PLEKHM2: variants seen among roughly 807,000 people sequenced by gnomAD.
PLEKHM2 encodes pleckstrin homology domain-containing family M member 2.
A neutral mutation model predicts 116.3 loss-of-function variants in PLEKHM2; 77 were observed. That is an observed-to-expected ratio of 0.66 (90% CI 0.55 to 0.80). The LOEUF is 0.80. Ranked by LOEUF, PLEKHM2 falls within the 30% of genes least tolerant of loss-of-function variation. The probability of loss-of-function intolerance (pLI) is 0.00; values close to 1 mark genes in which losing one functional copy is unlikely to be tolerated. For missense variants in PLEKHM2, 1,183 were observed against 1,354.9 expected, an observed-to-expected ratio of 0.87 and a Z score of 1.99; for synonymous variants, 562 against 571.0, an observed-to-expected ratio of 0.98 and a Z score of 0.22.
intron 1 of PLEKHM2, among the ~76,000 whole-genome samples, chr1:15,689,835 C>A (rs1293403470): frequency 6.6e-6 from 1 of 152,212 alleles, no homozygotes; most frequent in East Asian, 1.9e-4. Flanking sequence ...CAGCTCACTG[C>A]AACCTCCGCC....
At chr1:15,733,697 G>C in intron 19 of PLEKHM2, 100 bp from the exon 20 acceptor site, 1 of 1,298,744 alleles carries the variant, frequency 7.7e-7, no homozygotes, top group Middle Eastern at 1.9e-4. Flanking sequence ...CCTGACAGGG[G>C]CTCCGTGGCC....
At chr1:15,730,129 G>T (rs979684943) in intron 14 of PLEKHM2, among the ~76,000 whole-genome samples, 200 bp downstream of exon 14, 1 of 152,158 alleles carries the variant, frequency 6.6e-6, no homozygotes, top group Non-Finnish European at 1.5e-5. Context: ...CCTACCTGGG[G>T]TGTGTCCTAA....
intron 17 of PLEKHM2, 97 bp downstream of exon 17, chr1:15,732,145 G>GGTCCGTCTT: frequency 8.2e-7 from 1 of 1,218,448 alleles, no homozygotes; most frequent in Non-Finnish European, 1.2e-6. Context: ...AGCAACCTGA[G>GGTCCGTCTT]GGCCAAGACG....
chr1:15,727,653 G>A lies in PLEKHM2; in HGVS notation c.1581G>A (p.Leu527=). ...LEDTTREAQE[L]EAQLSLVREG... The stretch of plus-strand genomic sequence containing the variant: ...ATACCACGAGGGAGGCTCAGGAGCT[G>A]GAGGCCCAGCTGTCCCTGGTCAGGG... The change falls in exon 9 of 20, where the codon CTG becomes CTA. Residue 527 remains leucine (L), a synonymous_variant. Transcript: ENST00000375799. This position sits in a 1 kb window ranked among gnomAD's most constrained non-coding sequence, Gnocchi z 7.5. 1.3e-6 allele frequency: 2 copies of A among 1,594,334 alleles called. No homozygotes were observed. Among genetic ancestry groups the A allele is most frequent in the South Asian group, 2.3e-5 (2 of 87,982 alleles).
In PLEKHM2 at chr1:15,728,446, C is replaced by T. The variant is rs2068096031; in HGVS notation, c.1921+89C>T. 1 of 1,244,446 alleles carries T rather than the reference C, an allele frequency of 8.0e-7. No individual in the cohort carries two copies. The highest frequency in any genetic ancestry group is 1.5e-5 in the African/African-American group (1 of 67,474). The allele number at this position is 1,244,446 out of a possible 1,614,324, so 77.1% of individuals were successfully genotyped here. A position where few individuals can be genotyped will look rare whatever the true frequency, so the allele number is the denominator to read the frequency against. ...CAGTCCCCTTGCCCTCTGAGTGCCT[C>T]CCGGCTGCCTGGCATGCAGTGATGG... is the stretch of plus-strand genomic sequence containing the variant. On this transcript the variant is annotated intron_variant, in intron 11 of 19. Coordinates refer to ENST00000375799, the MANE Select transcript of PLEKHM2 (RefSeq NM_015164.4). The surrounding 1 kb of genome is among the most constrained non-coding windows in gnomAD (Gnocchi z 5.9).
rs757977029 is a variant in PLEKHM2 at position 15,729,955 on chromosome 1, T to C, written c.2208+26T>C. On this transcript the variant is annotated intron_variant, in intron 14 of 19. Transcript: ENST00000375799. The surrounding 1 kb of genome is among the most constrained non-coding windows in gnomAD (Gnocchi z 4.7). Reference sequence around the variant, plus strand: ...GTAAGAACCTGGGGAGGAAGCTGAGTGCAGCCCCTGAGATGGCAGAGCAGC... The same window carrying C: ...GTAAGAACCTGGGGAGGAAGCTGAGCGCAGCCCCTGAGATGGCAGAGCAGC... The C allele has an allele frequency of 1.3e-6, 2 of 1,586,488 alleles. No homozygotes were observed. The highest frequency in any genetic ancestry group is 1.7e-6 in the Non-Finnish European group (2 of 1,167,358).
intron 1 of PLEKHM2, among the ~76,000 whole-genome samples, chr1:15,712,750 T>C (rs1448856532): frequency 6.4e-4 from 1 of 1,556 alleles, no homozygotes; most frequent in East Asian, 0.01. Context: ...AAGGGATACC[T>C]CCCCCTGACC....
In PLEKHM2 at chr1:15,719,091, A is replaced by G. The variant is rs561787782; in HGVS notation, c.465+466A>G. On this transcript the variant is annotated intron_variant, in intron 5 of 19. Transcript: ENST00000375799. This position sits in a 1 kb window ranked among gnomAD's most constrained non-coding sequence, Gnocchi z 4.1. ...TGGGATGCTGGCCCACATAGAGCCA[A>G]AGAGGCTCCCAGGCACCTCTTGGAC... Among the ~76,000 whole-genome samples, 5 of 152,264 alleles carry G rather than the reference A, an allele frequency of 3.3e-5. No individual in the cohort carries two copies. The East Asian group carries it at 9.6e-4, about 29-fold the overall frequency.
At position 15,727,567 on chromosome 1, in the gene PLEKHM2, G is replaced by T. The variant is rs202014397; in HGVS notation, c.1495G>T (p.Ala499Ser). The part of the protein sequence containing the change: ...QPLHVPSSPE[A>S]AGQEEEGGGG... ...GCTGCATGTTCCTAGTAGCCCTGAG[G>T]CTGCTGGCCAAGAAGAAGAGGGAGG... The change falls in exon 9 of 20, where the codon GCT becomes TCT. Residue 499 changes from alanine (A) to serine (S), a missense_variant. By Grantham distance (99) the Ala-to-Ser change is moderately conservative. Transcript: ENST00000375799. This position sits in a 1 kb window ranked among gnomAD's most constrained non-coding sequence, Gnocchi z 7.5. 3.9e-5 allele frequency: 62 copies of T among 1,575,660 alleles called. No individual in the cohort carries two copies. The African/African-American group carries it at 7.6e-4, about 19-fold the overall frequency.
At chr1:15,725,771 A>C (rs1376786913) in intron 8 of PLEKHM2, 3 of 573,424 alleles carry the variant, frequency 5.2e-6, no homozygotes, top group Non-Finnish European at 6.2e-6. Context: ...GGCGGCTTCC[A>C]CAACAGACAT....
chr1:15,693,487 A>G (rs1056317853), intron 1 of PLEKHM2, among the ~76,000 whole-genome samples: 2 of 152,226 alleles, frequency 1.3e-5, no homozygotes, highest in African/African-American at 4.8e-5. Context: ...TGGTTTGGCC[A>G]TGGCTTAGGC....
chr1:15,719,643 A>G lies in PLEKHM2; in HGVS notation c.466-91A>G, dbSNP rs2067961089. 2.5e-6 allele frequency: 2 copies of G among 807,172 alleles called. No individual in the cohort carries two copies. The highest frequency in any genetic ancestry group is 4.6e-5 in the Admixed American group (2 of 43,742). 50.0% of individuals were successfully genotyped at this position (807,172 alleles called of 1,614,324 possible). A position where few individuals can be genotyped will look rare whatever the true frequency, so the allele number is the denominator to read the frequency against. On this transcript the variant is annotated intron_variant, in intron 5 of 19. Coordinates refer to ENST00000375799, the MANE Select transcript of PLEKHM2 (RefSeq NM_015164.4). The surrounding 1 kb of genome is among the most constrained non-coding windows in gnomAD (Gnocchi z 4.1). The stretch of plus-strand genomic sequence containing the variant: ...AGCCATTGATTTCCCAAAGAGGCAC[A>G]TCTGTGTCTCCCAGGCCTGGATCCT...
At position 15,721,234 on chromosome 1, in the gene PLEKHM2, C is replaced by T; in HGVS notation, c.653-95C>T. The T allele has an allele frequency of 1.4e-6, 1 of 723,592 alleles. No homozygotes were observed. Among genetic ancestry groups the T allele is most frequent in the Non-Finnish European group, 2.5e-6 (1 of 407,852 alleles). The allele number at this position is 723,592 out of a possible 1,614,324, so 44.8% of individuals were successfully genotyped here. A position where few individuals can be genotyped will look rare whatever the true frequency, so the allele number is the denominator to read the frequency against. ...TTGAAGTTTTCCTCTCCTATTTTCT[C>T]CCCATGTCTCCCACCCCATTTCCCC... is the stretch of plus-strand genomic sequence containing the variant. On this transcript the variant is annotated intron_variant, in intron 6 of 19. Coordinates refer to ENST00000375799, the MANE Select transcript of PLEKHM2 (RefSeq NM_015164.4). The surrounding 1 kb of genome is among the most constrained non-coding windows in gnomAD (Gnocchi z 5.1).
chr1:15,689,014 C>T lies in PLEKHM2; in HGVS notation c.60+4396C>T, dbSNP rs564675997. ...CTGTAACCCCAACACTTTGGGAGGC[C>T]GAGGCGGGCGGATCACCTGAGGTCA... On this transcript the variant is annotated intron_variant, in intron 1 of 19. Transcript: ENST00000375799. Among the ~76,000 whole-genome samples, 1,250 of 152,086 alleles carry T rather than the reference C, an allele frequency of 8.2e-3. 4 individuals carry two copies. Among genetic ancestry groups the T allele is most frequent in the Non-Finnish European group, 0.014 (981 of 67,970 alleles).
At chr1:15,690,790 C>T (rs1224246050) in intron 1 of PLEKHM2, among the ~76,000 whole-genome samples, 3 of 152,216 alleles carry the variant, frequency 2.0e-5, no homozygotes, top group East Asian at 3.8e-4. Flanking sequence ...TTCCCTAGAA[C>T]CTCACCATCA....
intron 1 of PLEKHM2, among the ~76,000 whole-genome samples, chr1:15,697,168 G>T (rs1476096346): frequency 6.6e-6 from 1 of 152,154 alleles, no homozygotes; most frequent in Non-Finnish European, 1.5e-5. Flanking sequence ...CTTCTCCTCC[G>T]CCAGTGCCAC....
chr1:15,719,658 G>T lies in PLEKHM2; in HGVS notation c.466-76G>T. On this transcript the variant is annotated intron_variant, in intron 5 of 19. Transcript: ENST00000375799. The surrounding 1 kb of genome is among the most constrained non-coding windows in gnomAD (Gnocchi z 4.1). ...AAAGAGGCACATCTGTGTCTCCCAG[G>T]CCTGGATCCTGCTGTCTGCAGAAGG... The T allele has an allele frequency of 1.0e-6, 1 of 962,440 alleles. No individual in the cohort carries two copies. Among genetic ancestry groups the T allele is most frequent in the South Asian group, 1.5e-5 (1 of 66,138 alleles). 59.6% of individuals were successfully genotyped at this position (962,440 alleles called of 1,614,324 possible). A position where few individuals can be genotyped will look rare whatever the true frequency, so the allele number is the denominator to read the frequency against.
intron 7 of PLEKHM2, among the ~76,000 whole-genome samples, chr1:15,724,873 G>A (rs1400228291): frequency 6.6e-6 from 1 of 152,148 alleles, no homozygotes; most frequent in South Asian, 2.1e-4. Flanking sequence ...GGGGTATGGG[G>A]CTAACGGGGC....
chr1:15,729,191 G>A lies in PLEKHM2; in HGVS notation c.2075+1G>A. The A allele has an allele frequency of 6.2e-7, 1 of 1,607,072 alleles. No homozygotes were observed. The highest frequency in any genetic ancestry group is 8.5e-7 in the Non-Finnish European group (1 of 1,176,674). The stretch of plus-strand genomic sequence containing the variant: ...ACACGGCTGATGTGGCGCTGGCTGA[G>A]TGAGTGGCAACCCCGCCCCTCTGGA... On this transcript the variant is annotated splice_donor_variant, in intron 13 of 19. Transcript: ENST00000375799. LOFTEE classifies it high-confidence loss of function. The surrounding 1 kb of genome is among the most constrained non-coding windows in gnomAD (Gnocchi z 4.7).
Sources: gnomAD v4.1 joint callset for allele counts (sites outside exome capture counted in the v4.1 genomes callset) on GRCh38, gnomAD v4.1.1 for gene constraint, Gnocchi (gnomAD v3.1) non-coding constraint, MANE v1.5 for transcripts, NCBI Gene and HGNC (gene_info 2026-07-23, HGNC 2026-07-21) for gene names.